WDR7: variants seen among roughly 807,000 people sequenced by gnomAD.
WDR7 encodes the protein WD repeat-containing protein 7.
Under a neutral mutation model 169.4 loss-of-function variants are expected in WDR7, and 46 were observed. The ratio of observed to expected loss-of-function variants is 0.27; its 90% CI spans 0.21 to 0.35. The LOEUF (loss-of-function observed/expected upper bound fraction) is 0.35, where lower values mean the gene tolerates loss of function less well. WDR7 is among the 10% of genes least tolerant of loss of function. The pLI is 1.00. For missense variants in WDR7, 1,534 were observed against 1,859.3 expected (o/e 0.83, Z 3.22); for synonymous variants, 612 against 666.8 (o/e 0.92, Z 1.27).
At chr18:56,786,160 C>T (rs1159502263) in intron 19 of WDR7, among the ~76,000 whole-genome samples, 1 of 152,090 alleles carries the variant, frequency 6.6e-6, no homozygotes, top group African/African-American at 2.4e-5. Context: ...AGATCACTGC[C>T]AGACTGGAGA....
rs185419387 is a variant in WDR7, at chr18:56,982,038, G to A, written c.4164+19509G>A. Among the ~76,000 whole-genome samples, 629 of 152,268 alleles carry A rather than the reference G, an allele frequency of 4.1e-3. 4 individuals carry two copies. Among genetic ancestry groups the A allele is most frequent in the African/African-American group, 0.014 (602 of 41,556 alleles). On this transcript the variant is annotated intron_variant, in intron 26 of 27. Transcript: ENST00000254442. ...TACTCCGCACATTGTATACTGATCA[G>A]TGTTAACACTATTATTCTGAACCGT...
chr18:56,799,143 G>A (rs2044630319), intron 19 of WDR7, among the ~76,000 whole-genome samples: 1 of 152,172 alleles, frequency 6.6e-6, no homozygotes, highest in African/African-American at 2.4e-5. Context: ...TAGAGATGGT[G>A]AAGGACTCAG....
At chr18:56,803,474 T>G (rs954726987) in intron 19 of WDR7, among the ~76,000 whole-genome samples, 1 of 152,194 alleles carries the variant, frequency 6.6e-6, no homozygotes, top group Non-Finnish European at 1.5e-5. Flanking sequence ...CTGTGAAAGG[T>G]AAATATTCTG....
At chr18:56,689,701 C>T (rs1221605427) in intron 7 of WDR7, among the ~76,000 whole-genome samples, 1 of 152,170 alleles carries the variant, frequency 6.6e-6, no homozygotes, top group Non-Finnish European at 1.5e-5. Flanking sequence ...ATTCATTCGT[C>T]TGTTGTCCCT....
chr18:56,709,618 A>G (rs1025429284), intron 12 of WDR7, among the ~76,000 whole-genome samples: 2 of 152,210 alleles, frequency 1.3e-5, no homozygotes, highest in Non-Finnish European at 2.9e-5. Context: ...CAGTTAGCAA[A>G]TGGCAGAGCT....
intron 13 of WDR7, chr18:56,721,594 G>A (rs1322236542): frequency 2.0e-5 from 3 of 152,196 alleles, no homozygotes; most frequent in African/African-American, 4.8e-5. Flanking sequence ...GTGGGTCACT[G>A]ACCTAGGTGG....
intron 21 of WDR7, among the ~76,000 whole-genome samples, chr18:56,903,310 G>A (rs1482570327): frequency 6.6e-6 from 1 of 152,118 alleles, no homozygotes; most frequent in Admixed American, 6.5e-5. Context: ...TCATTCTGGT[G>A]GTAAAATTCA....
At chr18:56,840,188 A>G (rs1403578626) in intron 20 of WDR7, among the ~76,000 whole-genome samples, 1 of 152,146 alleles carries the variant, frequency 6.6e-6, no homozygotes, top group Non-Finnish European at 1.5e-5. Context: ...CCCTAAGACA[A>G]GGGGGAAAGG....
chr18:56,798,416 T>C (rs745507522), intron 19 of WDR7, among the ~76,000 whole-genome samples: 11 of 152,204 alleles, frequency 7.2e-5, no homozygotes, highest in Non-Finnish European at 1.6e-4. Context: ...CATTTGGTGA[T>C]ATCTGGAGAC....
At chr18:56,742,791 G>T (rs543192913) in intron 14 of WDR7, among the ~76,000 whole-genome samples, 1 of 152,168 alleles carries the variant, frequency 6.6e-6, no homozygotes, top group Non-Finnish European at 1.5e-5. Context: ...GGGTTGCAGT[G>T]TGTTCTGGGA....
In WDR7 at chr18:56,949,128, G is replaced by GTCTCTCTC. The variant is rs10537966; in HGVS notation, c.4064+9755_4064+9762dup. 3.6e-3 allele frequency among the ~76,000 whole-genome samples: 518 copies of GTCTCTCTC among 143,524 alleles called. 3 individuals carry two copies. The highest frequency in any genetic ancestry group is 5.4e-3 in the Non-Finnish European group (358 of 66,538). The allele number at this position is 143,524 out of a possible 152,430, so 94.2% of individuals were successfully genotyped here. ...TTTTTGCCCCCACTGGTTTTCTAAA[G>GTCTCTCTC]TCTCTCTCTCTCTCTCTCTCTCTCT... On this transcript the variant is annotated intron_variant, in intron 25 of 27. Transcript: ENST00000254442.
At chr18:56,782,993 TTATAATC>T (rs1256064905) in intron 19 of WDR7, among the ~76,000 whole-genome samples, 1 of 152,162 alleles carries the variant, frequency 6.6e-6, no homozygotes, top group East Asian at 1.9e-4. Context: ...GTTAAATACT[TTATAATC>T]TATAAAAATG....
In WDR7 at chr18:56,970,223, T is replaced by C. The variant is rs114466943; in HGVS notation, c.4164+7694T>C. On this transcript the variant is annotated intron_variant, in intron 26 of 27. Coordinates refer to ENST00000254442, the MANE Select transcript of WDR7 (RefSeq NM_015285.3). The stretch of plus-strand genomic sequence containing the variant: ...ATCTGTTGAAATTGCTTTCTTAGGA[T>C]TTTTTTTGGTTTGTTTTTTTTTTTG... Among the ~76,000 whole-genome samples the C allele has an allele frequency of 6.7e-3, 997 of 149,810 alleles. 10 individuals are homozygous for C. The highest frequency in any genetic ancestry group is 0.024 in the African/African-American group (943 of 40,054).
In WDR7 at chr18:56,988,590, A is replaced by AGTGTGTGTGTGT. The variant is rs71171009; in HGVS notation, c.4164+26096_4164+26107dup. Among the ~76,000 whole-genome samples the AGTGTGTGTGTGT allele has an allele frequency of 2.8e-3, 394 of 142,674 alleles. 3 individuals are homozygous for AGTGTGTGTGTGT. The highest frequency in any genetic ancestry group is 0.016 in the East Asian group (74 of 4,592). 93.6% of individuals were successfully genotyped at this position (142,674 alleles called of 152,430 possible). A position where few individuals can be genotyped will look rare whatever the true frequency, so the allele number is the denominator to read the frequency against. On this transcript the variant is annotated intron_variant, in intron 26 of 27. Coordinates refer to ENST00000254442, the MANE Select transcript of WDR7 (RefSeq NM_015285.3). ...CAGAAGAAAGACCTCATGGAAGGCA[A>AGTGTGTGTGTGT]GTGTGTGTGTGTGTGTGTGTGTGTG...
chr18:56,923,467 A>G (rs960741853), intron 21 of WDR7, among the ~76,000 whole-genome samples: 2 of 152,244 alleles, frequency 1.3e-5, no homozygotes, highest in Non-Finnish European at 2.9e-5. Context: ...TACATGTTCT[A>G]CATTCTCCAT....
chr18:56,949,886 C>G (rs559569034), intron 25 of WDR7, among the ~76,000 whole-genome samples: 2 of 152,276 alleles, frequency 1.3e-5, no homozygotes, highest in Non-Finnish European at 2.9e-5. Flanking sequence ...TACTGCTGAT[C>G]TCCTCAAAAA....
intron 20 of WDR7, among the ~76,000 whole-genome samples, chr18:56,828,531 G>A (rs553505416): frequency 9.2e-5 from 14 of 152,022 alleles, no homozygotes; most frequent in Middle Eastern, 3.4e-3. Context: ...TAGACAAGAC[G>A]GATATGGTCC....
chr18:56,755,756 G>T (rs2043875793), intron 14 of WDR7, among the ~76,000 whole-genome samples: 1 of 152,174 alleles, frequency 6.6e-6, no homozygotes, highest in South Asian at 2.1e-4. Context: ...CAGGGCAGCT[G>T]CCTGAGAGGG....
chr18:57,021,184 G>T (rs1452875725), intron 27 of WDR7, among the ~76,000 whole-genome samples: 1 of 152,226 alleles, frequency 6.6e-6, no homozygotes, highest in Non-Finnish European at 1.5e-5. Flanking sequence ...CCTAAACTGA[G>T]GCTTGAGTGA....
Sources: gnomAD v4.1 joint callset for allele counts (sites outside exome capture counted in the v4.1 genomes callset) on GRCh38, gnomAD v4.1.1 for gene constraint, MANE v1.5 for transcripts, NCBI Gene and HGNC (gene_info 2026-07-23, HGNC 2026-07-21) for gene names.